Variants in CAMTA1 observed in about 807,000 individuals in gnomAD.
CAMTA1 encodes the protein calmodulin-binding transcription activator 1.
In CAMTA1, 27 loss-of-function variants were observed where a neutral mutation model predicts 170.9. That is an observed-to-expected ratio of 0.16 (90% CI 0.12 to 0.22). CAMTA1 has a LOEUF of 0.22. Among genes scored for constraint, CAMTA1 ranks in the 10% least tolerant of loss-of-function variants. The pLI is 1.00. For missense variants in CAMTA1, 1,619 were observed against 2,217.2 expected, an observed-to-expected ratio of 0.73 and a Z score of 5.42; for synonymous variants, 833 against 891.5, an observed-to-expected ratio of 0.93 and a Z score of 1.17.
chr1:6,889,788 G>T (rs1009707433), intron 3 of CAMTA1, among the ~76,000 whole-genome samples: 1 of 152,172 alleles, frequency 6.6e-6, no homozygotes, highest in Non-Finnish European at 1.5e-5. Flanking sequence ...AGATGCAGGA[G>T]CACATGCATC....
At chr1:6,946,047 T>A (rs1248628504) in intron 3 of CAMTA1, among the ~76,000 whole-genome samples, 3 of 152,176 alleles carry the variant, frequency 2.0e-5, no homozygotes, top group African/African-American at 7.2e-5. Flanking sequence ...CTCGGTCACA[T>A]GGCAACTCCA....
chr1:7,304,083 AT>A, intron 5 of CAMTA1, among the ~76,000 whole-genome samples: 1 of 151,764 alleles, frequency 6.6e-6, no homozygotes, highest in Admixed American at 6.6e-5. Flanking sequence ...ATGAAGAGTT[AT>A]TGCTTAAAGG....
chr1:7,465,600 A>T (rs2093192415), intron 5 of CAMTA1, among the ~76,000 whole-genome samples: 1 of 152,146 alleles, frequency 6.6e-6, no homozygotes, highest in Non-Finnish European at 1.5e-5. Flanking sequence ...GTGAGCCTTG[A>T]TGTAGAAATG....
intron 3 of CAMTA1, among the ~76,000 whole-genome samples, chr1:7,088,828 G>A (rs1641090878): frequency 2.0e-5 from 3 of 152,194 alleles, no homozygotes; most frequent in African/African-American, 4.8e-5. Flanking sequence ...TGAAGTTCAG[G>A]TAGATAAGCT....
chr1:7,042,330 G>A (rs997224226), intron 3 of CAMTA1, among the ~76,000 whole-genome samples: 1 of 152,194 alleles, frequency 6.6e-6, no homozygotes, highest in African/African-American at 2.4e-5. Context: ...TGGAGTGTGG[G>A]CAGAAACGCT....
intron 3 of CAMTA1, among the ~76,000 whole-genome samples, chr1:7,036,372 A>C (rs932413601): frequency 1.3e-5 from 2 of 152,224 alleles, no homozygotes; most frequent in African/African-American, 4.8e-5. Context: ...CTGCTAAATG[A>C]ATACTAGTTG....
intron 6 of CAMTA1, among the ~76,000 whole-genome samples, chr1:7,575,940 C>T (rs907275299): frequency 1.3e-5 from 2 of 152,042 alleles, no homozygotes; most frequent in African/African-American, 2.4e-5. Flanking sequence ...GGCAGAGGGG[C>T]GATCAAGGAA....
chr1:7,711,775 C>T (rs184363607), intron 11 of CAMTA1, among the ~76,000 whole-genome samples: 4 of 152,228 alleles, frequency 2.6e-5, no homozygotes, highest in Middle Eastern at 6.8e-3. Flanking sequence ...ATGCCCCTGG[C>T]GCGCGTGTGT....
intron 5 of CAMTA1, among the ~76,000 whole-genome samples, chr1:7,351,923 AAGG>A (rs2084705472): frequency 6.6e-6 from 1 of 152,220 alleles, no homozygotes; most frequent in Non-Finnish European, 1.5e-5. Flanking sequence ...CGCAAGTGAG[AAGG>A]AGTTTTTATA....
chr1:7,498,299 AGT>A (rs1374705997), intron 6 of CAMTA1, among the ~76,000 whole-genome samples: 2 of 148,526 alleles, frequency 1.3e-5, no homozygotes, highest in Non-Finnish European at 3.0e-5. Flanking sequence ...TGAGCGTGAC[AGT>A]GAGTGTGGAT....
chr1:7,551,546 C>T (rs4908654), intron 6 of CAMTA1, among the ~76,000 whole-genome samples: 50,639 of 152,092 alleles, frequency 0.33, 9,389 homozygotes, highest in Non-Finnish European at 0.41. Flanking sequence ...CATCGGGTCA[C>T]GTCCTCACCG....
At chr1:7,279,282 G>A (rs1224006523) in intron 5 of CAMTA1, among the ~76,000 whole-genome samples, 1 of 152,172 alleles carries the variant, frequency 6.6e-6, no homozygotes, top group Non-Finnish European at 1.5e-5. Flanking sequence ...CATCCACTGG[G>A]GTGGGAGGCA....
At chr1:7,192,137 G>C (rs1457828041) in intron 4 of CAMTA1, among the ~76,000 whole-genome samples, 1 of 152,212 alleles carries the variant, frequency 6.6e-6, no homozygotes, top group Non-Finnish European at 1.5e-5. Context: ...TGTCTTCTTG[G>C]CTACAATGCT....
At chr1:7,526,873 G>T (rs532587119) in intron 6 of CAMTA1, among the ~76,000 whole-genome samples, 1 of 152,342 alleles carries the variant, frequency 6.6e-6, no homozygotes, top group African/African-American at 2.4e-5. Flanking sequence ...CCCAGGAGCA[G>T]TGTCTGAAGA....
At chr1:7,412,444 C>A (rs11120913) in intron 5 of CAMTA1, among the ~76,000 whole-genome samples, 2 of 151,140 alleles carry the variant, frequency 1.3e-5, no homozygotes, top group Non-Finnish European at 3.0e-5. Flanking sequence ...TTTTAATGAT[C>A]GCCATTCTAA....
Position 6,915,887 on chromosome 1 carries a change from C to T in CAMTA1, c.234+90677C>T, listed in dbSNP as rs1025697311. Among the ~76,000 whole-genome samples the T allele has an allele frequency of 7.2e-5, 11 of 152,318 alleles. No homozygotes were observed. In the East Asian group the frequency reaches 1.2e-3, roughly 16 times the overall value. Reference sequence around the variant, plus strand: ...CTATCCTACAACTGAGTCTCTGACCCCACCATCGGTCATTCTTAGACTTCA... The same window carrying T: ...CTATCCTACAACTGAGTCTCTGACCTCACCATCGGTCATTCTTAGACTTCA... On this transcript the variant is annotated intron_variant, in intron 3 of 22. Transcript: ENST00000303635.
chr1:7,374,195 C>T (rs529131143), intron 5 of CAMTA1, among the ~76,000 whole-genome samples: 8 of 152,346 alleles, frequency 5.3e-5, no homozygotes, highest in East Asian at 3.9e-4. Flanking sequence ...TGGTCCCAAA[C>T]GCTCCTTTCT....
At chr1:7,129,518 G>C (rs552475756) in intron 4 of CAMTA1, among the ~76,000 whole-genome samples, 1 of 152,156 alleles carries the variant, frequency 6.6e-6, no homozygotes, top group African/African-American at 2.4e-5. Context: ...GAAGTTCTGC[G>C]CTGGAATCTT....
In CAMTA1 at chr1:7,663,810, C is replaced by T. The variant is rs1375123180; in HGVS notation, c.1263C>T (p.His421=). The part of the protein sequence containing the change: ...TMSPTAGPNH[H]LLSPDASQGL... ...CCCCCACCGCTGGCCCCAACCACCA[C>T]CTCCTCTCACCTGACGCCTCTCAGG... Residue 421 remains histidine, a synonymous_variant, in exon 9 of 23, where the codon CAC becomes CAT. Transcript: ENST00000303635. 6.2e-7 allele frequency: 1 copy of T among 1,614,076 alleles called. No homozygotes were observed. The highest frequency in any genetic ancestry group is 8.5e-7 in the Non-Finnish European group (1 of 1,180,044).
Sources: allele counts gnomAD v4.1 joint callset (sites outside exome capture counted in the v4.1 genomes callset), GRCh38; gene constraint gnomAD v4.1.1; transcripts MANE v1.5; gene names NCBI Gene and HGNC (gene_info 2026-07-23, HGNC 2026-07-21).